KCTD16: variants seen among roughly 807,000 people sequenced by gnomAD.
The protein encoded by KCTD16 is BTB/POZ domain-containing protein KCTD16.
In KCTD16, 13 loss-of-function variants were observed where a neutral mutation model predicts 33.2. That is an observed-to-expected ratio of 0.39 (90% CI 0.25 to 0.62). The LOEUF (loss-of-function observed/expected upper bound fraction) is 0.62. KCTD16 is among the 20% of genes least tolerant of loss of function. The probability of loss-of-function intolerance (pLI) is 0.50; values close to 1 mark genes in which losing one functional copy is unlikely to be tolerated. For synonymous variants in KCTD16, 197 were observed against 195.3 expected (o/e 1.01, Z -0.07); for missense variants, 441 against 525.1 (o/e 0.84, Z 1.57).
chr5:144,355,844 A>C (rs1751558054), intron 3 of KCTD16, among the ~76,000 whole-genome samples: 1 of 152,062 alleles, frequency 6.6e-6, no homozygotes, highest in Admixed American at 6.6e-5. Flanking sequence ...CTTGCTCAGA[A>C]TGTCCTTTTC....
At chr5:144,382,681 A>G (rs533177053) in intron 3 of KCTD16, among the ~76,000 whole-genome samples, 1 of 152,342 alleles carries the variant, frequency 6.6e-6, no homozygotes, top group Admixed American at 6.5e-5. Flanking sequence ...TAGATGCTCA[A>G]TAGCCAAGTA....
intron 3 of KCTD16, among the ~76,000 whole-genome samples, chr5:144,397,345 C>T (rs1580930549): frequency 6.6e-6 from 1 of 152,002 alleles, no homozygotes; most frequent in African/African-American, 2.4e-5. Flanking sequence ...TGGGTTGGTT[C>T]CAAGTCTTTG....
intron 2 of KCTD16, 43 bp downstream of exon 2, chr5:144,174,515 A>G (rs935237942): frequency 1.3e-5 from 2 of 152,212 alleles, no homozygotes; most frequent in Non-Finnish European, 2.9e-5. Flanking sequence ...TATATTAACT[A>G]TGTAACCTCT....
chr5:144,298,813 T>C (rs1437746554), intron 3 of KCTD16, among the ~76,000 whole-genome samples: 2 of 151,658 alleles, frequency 1.3e-5, no homozygotes, highest in Non-Finnish European at 2.9e-5. Context: ...CACAACTTCT[T>C]TCCATTCCAC....
chr5:144,363,898 T>C (rs1751773705), intron 3 of KCTD16, among the ~76,000 whole-genome samples: 1 of 152,196 alleles, frequency 6.6e-6, no homozygotes. Context: ...GTGCTATCTA[T>C]TGTTCTCAAA....
intron 3 of KCTD16, among the ~76,000 whole-genome samples, chr5:144,290,573 A>C (rs1350318916): frequency 6.6e-6 from 1 of 152,246 alleles, no homozygotes; most frequent in African/African-American, 2.4e-5. Context: ...ATAATGACTT[A>C]ATTTTTAAAG....
intron 3 of KCTD16, among the ~76,000 whole-genome samples, chr5:144,233,559 G>A (rs545297091): frequency 1.2e-4 from 18 of 152,106 alleles, no homozygotes; most frequent in African/African-American, 4.1e-4. Flanking sequence ...CTTTTTGCTT[G>A]TATTTTCTCT....
At chr5:144,432,392 C>T (rs1245428112) in intron 3 of KCTD16, among the ~76,000 whole-genome samples, 1 of 152,092 alleles carries the variant, frequency 6.6e-6, no homozygotes, top group Non-Finnish European at 1.5e-5. Flanking sequence ...GAAACAGATT[C>T]AGAGAAGTAA....
chr5:144,356,324 TAC>T (rs1751570550), intron 3 of KCTD16, among the ~76,000 whole-genome samples: 1 of 152,210 alleles, frequency 6.6e-6, no homozygotes. Context: ...TGTGTCCGTG[TAC>T]ATATATAAGT....
intron 1 of KCTD16, among the ~76,000 whole-genome samples, chr5:144,173,901 ATTTT>A (rs58804094): frequency 1.4e-5 from 2 of 140,842 alleles, no homozygotes; most frequent in Non-Finnish European, 3.1e-5. Flanking sequence ...TTCTTTTTGG[ATTTT>A]TTTTTTTTTT....
At position 144,214,958 on chromosome 5, in the gene KCTD16, A is replaced by T. The variant is rs183449884; in HGVS notation, c.832+7412A>T. The stretch of plus-strand genomic sequence containing the variant: ...ATATTTCTTTAGAATGCATTTTTAA[A>T]AGTTCTTACTGCAATATTCTGTTTT... On this transcript the variant is annotated intron_variant, in intron 3 of 3. Coordinates refer to ENST00000512467, the MANE Select transcript of KCTD16 (RefSeq NM_020768.4). 2.6e-3 allele frequency among the ~76,000 whole-genome samples: 401 copies of T among 152,314 alleles called. 4 individuals are homozygous for T. The highest frequency in any genetic ancestry group is 9.3e-3 in the African/African-American group (388 of 41,578).
At chr5:144,285,805 C>T (rs1297925972) in intron 3 of KCTD16, among the ~76,000 whole-genome samples, 1 of 152,120 alleles carries the variant, frequency 6.6e-6, no homozygotes, top group Non-Finnish European at 1.5e-5. Flanking sequence ...GCTGACACTA[C>T]AACACACTTG....
chr5:144,370,492 T>C (rs544578201), intron 3 of KCTD16, among the ~76,000 whole-genome samples: 2 of 152,306 alleles, frequency 1.3e-5, no homozygotes, highest in Admixed American at 1.3e-4. Flanking sequence ...AGAACAATAC[T>C]CTTTACACAA....
chr5:144,223,102 T>C (rs145278880), intron 3 of KCTD16, among the ~76,000 whole-genome samples: 15,774 of 151,942 alleles, frequency 0.1, 912 homozygotes, highest in Middle Eastern at 0.18. Flanking sequence ...ATGAGAACAC[T>C]TGGACACAGG....
At chr5:144,394,248 C>T (rs17096444) in intron 3 of KCTD16, among the ~76,000 whole-genome samples, 4,541 of 152,186 alleles carry the variant, frequency 0.03, 89 homozygotes, top group Middle Eastern at 0.065. Flanking sequence ...GACAATATGT[C>T]AGTAAACTCT....
chr5:144,261,423 C>T (rs1442934441), intron 3 of KCTD16, among the ~76,000 whole-genome samples: 1 of 152,192 alleles, frequency 6.6e-6, no homozygotes, highest in South Asian at 2.1e-4. Flanking sequence ...AATGTGCCTG[C>T]ACCCTCTCTG....
chr5:144,217,473 G>A (rs542638059), intron 3 of KCTD16, among the ~76,000 whole-genome samples: 11 of 152,260 alleles, frequency 7.2e-5, no homozygotes, highest in Admixed American at 6.5e-4. Flanking sequence ...TGGCTTTTCT[G>A]AATAGATGCT....
At chr5:144,294,792 C>T (rs146050119) in intron 3 of KCTD16, among the ~76,000 whole-genome samples, 252 of 152,222 alleles carry the variant, frequency 1.7e-3, no homozygotes, top group African/African-American at 3.8e-3. Context: ...TTATCAGTAA[C>T]GGTTGTCCCT....
rs914559837 is a variant in KCTD16, at chr5:144,290,408, T to C, written c.832+82862T>C. 2.6e-5 allele frequency among the ~76,000 whole-genome samples: 4 copies of C among 152,226 alleles called. No homozygotes were observed. In the East Asian group the frequency reaches 7.7e-4, roughly 29 times the overall value. Reference sequence around the variant, plus strand: ...GAAGTGGCTGAGATATACTAAGATATATTCATTAAAATTATTCTTTTTGTA... The same window carrying C: ...GAAGTGGCTGAGATATACTAAGATACATTCATTAAAATTATTCTTTTTGTA... On this transcript the variant is annotated intron_variant, in intron 3 of 3. Coordinates refer to ENST00000512467, the MANE Select transcript of KCTD16 (RefSeq NM_020768.4).
Sources: gnomAD v4.1 joint callset for allele counts (sites outside exome capture counted in the v4.1 genomes callset) on GRCh38, gnomAD v4.1.1 for gene constraint, MANE v1.5 for transcripts, NCBI Gene and HGNC (gene_info 2026-07-23, HGNC 2026-07-21) for gene names.